Variants in RALYL observed in about 807,000 individuals in gnomAD.
RALYL encodes the protein RNA-binding Raly-like protein.
In RALYL, 29 loss-of-function variants were observed where a neutral mutation model predicts 35.1. The ratio of observed to expected loss-of-function variants is 0.83; its 90% CI spans 0.61 to 1.13. The LOEUF (loss-of-function observed/expected upper bound fraction) is 1.13. Among genes scored for constraint, RALYL ranks in the 50% most tolerant of loss-of-function variants. RALYL has a pLI of 0.00. For missense variants in RALYL, 359 were observed against 360.4 expected, an observed-to-expected ratio of 1.00 and a Z score of 0.03; for synonymous variants, 120 against 127.6, an observed-to-expected ratio of 0.94 and a Z score of 0.40.
chr8:84,288,927 A>T (rs547597777), intron 1 of RALYL, among the ~76,000 whole-genome samples: 64 of 152,172 alleles, frequency 4.2e-4, no homozygotes, highest in Non-Finnish European at 7.3e-4. Flanking sequence ...GGCAAAGAAG[A>T]TTTTATTTAA....
At chr8:84,496,236 T>A (rs761350238) in intron 1 of RALYL, among the ~76,000 whole-genome samples, 2 of 152,144 alleles carry the variant, frequency 1.3e-5, no homozygotes, top group African/African-American at 2.4e-5. Context: ...ATGGTGTTAG[T>A]GTATATTGGT....
chr8:84,780,860 T>C (rs1435957822), intron 3 of RALYL, among the ~76,000 whole-genome samples: 1 of 152,144 alleles, frequency 6.6e-6, no homozygotes, highest in African/African-American at 2.4e-5. Context: ...GTTTTTTGTT[T>C]GTTTGTTTGT....
chr8:84,235,830 G>C (rs1388319888), intron 1 of RALYL, among the ~76,000 whole-genome samples: 1 of 146,408 alleles, frequency 6.8e-6, no homozygotes, highest in Non-Finnish European at 1.5e-5. Context: ...GCAGTGGTGC[G>C]ATCTCGGCTC....
In RALYL at chr8:84,356,975, G is replaced by T. The variant is rs1249623002; in HGVS notation, c.-23-172324G>T. ...CAGTGATGCAGACTGATATATTTTT[G>T]CTGTAAGGGCGTCACAAACATAATG... is the stretch of plus-strand genomic sequence containing the variant. On this transcript the variant is annotated intron_variant, in intron 1 of 8. Transcript: ENST00000521268. Among the ~76,000 whole-genome samples the T allele has an allele frequency of 2.0e-5, 3 of 152,032 alleles. No homozygotes were observed. In the East Asian group the frequency reaches 5.8e-4, roughly 29 times the overall value.
chr8:84,336,225 AATTG>A (rs1395635489), intron 1 of RALYL, among the ~76,000 whole-genome samples: 2 of 152,122 alleles, frequency 1.3e-5, no homozygotes, highest in African/African-American at 4.8e-5. Context: ...ATGGACACTG[AATTG>A]ATTGTTTTTC....
At chr8:84,773,470 C>A (rs1045148419) in intron 2 of RALYL, among the ~76,000 whole-genome samples, 12 of 152,142 alleles carry the variant, frequency 7.9e-5, no homozygotes, top group African/African-American at 2.7e-4. Context: ...TAACTTTGTT[C>A]AATCTAGTTA....
chr8:84,383,109 G>T (rs1858372368), intron 1 of RALYL, among the ~76,000 whole-genome samples: 1 of 151,630 alleles, frequency 6.6e-6, no homozygotes, highest in African/African-American at 2.4e-5. Context: ...TCACTAAAAC[G>T]ATCCACTCAC....
chr8:84,480,996 T>C (rs28580195), intron 1 of RALYL, among the ~76,000 whole-genome samples: 3,559 of 152,274 alleles, frequency 0.023, 145 homozygotes, highest in African/African-American at 0.081. Context: ...TTATCTGGGC[T>C]TACAGATCTC....
intron 2 of RALYL, among the ~76,000 whole-genome samples, chr8:84,614,450 A>C (rs1476379588): frequency 6.6e-6 from 1 of 151,696 alleles, no homozygotes; most frequent in East Asian, 1.9e-4. Context: ...AGTGGTCACT[A>C]AACTTTAGAT....
chr8:84,397,441 C>G (rs371089194), intron 1 of RALYL, among the ~76,000 whole-genome samples: 6 of 152,112 alleles, frequency 3.9e-5, no homozygotes, highest in African/African-American at 1.4e-4. Flanking sequence ...GGTTTTTTCC[C>G]CAGAAAAATC....
intron 1 of RALYL, among the ~76,000 whole-genome samples, chr8:84,260,776 A>C (rs983094793): frequency 6.6e-6 from 1 of 152,188 alleles, no homozygotes; most frequent in South Asian, 2.1e-4. Flanking sequence ...GCTAATTTTC[A>C]AGATCATAGA....
At chr8:84,856,681 T>C (rs1837045018) in intron 5 of RALYL, among the ~76,000 whole-genome samples, 1 of 152,244 alleles carries the variant, frequency 6.6e-6, no homozygotes, top group Non-Finnish European at 1.5e-5. Flanking sequence ...GCAGAGTTTA[T>C]GAGTTTTGAG....
At chr8:84,609,963 T>C (rs1202729282) in intron 2 of RALYL, among the ~76,000 whole-genome samples, 2 of 151,958 alleles carry the variant, frequency 1.3e-5, no homozygotes, top group African/African-American at 2.4e-5. Flanking sequence ...AACCATCAGA[T>C]CTCATGAGAC....
intron 4 of RALYL, among the ~76,000 whole-genome samples, chr8:84,824,754 C>T (rs10110832): frequency 0.037 from 5,585 of 152,144 alleles, 178 homozygotes; most frequent in African/African-American, 0.092. Flanking sequence ...CAAAAATAAG[C>T]GATGGGGAAT....
intron 1 of RALYL, among the ~76,000 whole-genome samples, chr8:84,254,645 T>C (rs749095264): frequency 1.3e-5 from 2 of 150,330 alleles, no homozygotes; most frequent in Non-Finnish European, 2.9e-5. Flanking sequence ...AAAGTTTGTG[T>C]GTGTGGGAGT....
intron 2 of RALYL, among the ~76,000 whole-genome samples, chr8:84,556,121 G>A (rs564776451): frequency 6.6e-6 from 1 of 152,310 alleles, no homozygotes; most frequent in East Asian, 1.9e-4. Flanking sequence ...GTCACTTAAT[G>A]TGATTAAGGA....
chr8:84,673,071 A>T (rs1833568318), intron 2 of RALYL, among the ~76,000 whole-genome samples: 1 of 152,142 alleles, frequency 6.6e-6, no homozygotes, highest in African/African-American at 2.4e-5. Context: ...AGTTATTCTG[A>T]CTGGTGTTAG....
chr8:84,901,508 G>A (rs1018025996), intron 8 of RALYL, among the ~76,000 whole-genome samples: 4 of 152,148 alleles, frequency 2.6e-5, no homozygotes, highest in African/African-American at 7.2e-5. Context: ...ATTGCAAGGC[G>A]GGAGAGGGAC....
At chr8:84,523,694 T>A (rs1261597787) in intron 1 of RALYL, among the ~76,000 whole-genome samples, 2 of 118,004 alleles carry the variant, frequency 1.7e-5, no homozygotes, top group Non-Finnish European at 3.3e-5. Context: ...GTCCCCAGAG[T>A]GTGATATTCC....
Sources: gnomAD v4.1 joint callset for allele counts (sites outside exome capture counted in the v4.1 genomes callset) on GRCh38, gnomAD v4.1.1 for gene constraint, MANE v1.5 for transcripts, NCBI Gene and HGNC (gene_info 2026-07-23, HGNC 2026-07-21) for gene names.